UHRF1: variants seen among roughly 807,000 people sequenced by gnomAD.
UHRF1 encodes E3 ubiquitin-protein ligase UHRF1.
UHRF1 carries 9 observed loss-of-function variants against 96.5 expected under a neutral mutation model. That is an observed-to-expected ratio of 0.09 (90% confidence interval 0.06 to 0.16). The LOEUF is 0.16. Among genes scored for constraint, UHRF1 ranks in the 10% least tolerant of loss-of-function variants. The pLI is 1.00. For missense variants in UHRF1, 626 were observed against 1,131.1 expected, an observed-to-expected ratio of 0.55 and a Z score of 6.40; for synonymous variants, 455 against 469.9, an observed-to-expected ratio of 0.97 and a Z score of 0.41.
chr19:4,938,971 T>C (rs1190689038), intron 5 of UHRF1, among the ~76,000 whole-genome samples: 1 of 151,714 alleles, frequency 6.6e-6, no homozygotes, highest in Non-Finnish European at 1.5e-5. Flanking sequence ...TGGAGTGCAG[T>C]GGCACGATCT....
At chr19:4,908,808 C>T (rs2032132741), upstream of UHRF1, among the ~76,000 whole-genome samples, 1 of 152,216 alleles carries the variant, frequency 6.6e-6, no homozygotes, top group Admixed American at 6.5e-5. Context: ...CTGCCATGTA[C>T]ACCGCTGGGT....
intron 7 of UHRF1, among the ~76,000 whole-genome samples, chr19:4,943,495 G>GCCCCCCCCC (rs368362097): frequency 6.0e-5 from 8 of 133,254 alleles, no homozygotes; most frequent in Non-Finnish European, 7.8e-5. Context: ...TTGTTGCCCT[G>GCCCCCCCCC]CCCCCCCTCC....
At chr19:4,925,241 T>TTTTAG (rs1299109648) in intron 2 of UHRF1, among the ~76,000 whole-genome samples, 3 of 152,202 alleles carry the variant, frequency 2.0e-5, no homozygotes, top group African/African-American at 7.2e-5. Flanking sequence ...TTTTAGAACA[T>TTTTAG]TTTGTCACCT....
At chr19:4,955,527 C>T (rs567249115) in intron 15 of UHRF1, among the ~76,000 whole-genome samples, 75 of 152,166 alleles carry the variant, frequency 4.9e-4, no homozygotes, top group Non-Finnish European at 8.8e-4. Context: ...TGGATGGTGA[C>T]GTCTCAGGAT....
chr19:4,942,098 G>A (rs1488407664), intron 7 of UHRF1, among the ~76,000 whole-genome samples, 167 bp downstream of exon 7: 1 of 152,188 alleles, frequency 6.6e-6, no homozygotes, highest in African/African-American at 2.4e-5. Flanking sequence ...GAGTTCAAGA[G>A]CAGCCTGGGC....
At chr19:4,905,058 C>G (rs2032036649), upstream of UHRF1, among the ~76,000 whole-genome samples, 1 of 151,870 alleles carries the variant, frequency 6.6e-6, no homozygotes, top group African/African-American at 2.4e-5. Flanking sequence ...GACCCACGGG[C>G]CACATTTGGC....
intron 11 of UHRF1, among the ~76,000 whole-genome samples, chr19:4,950,396 A>G (rs1262990229): frequency 6.6e-6 from 1 of 151,506 alleles, no homozygotes; most frequent in African/African-American, 2.4e-5. Flanking sequence ...GGCACGCGCC[A>G]CCACGCCCGG....
At chr19:4,933,064 T>G in intron 5 of UHRF1, 108 bp downstream of exon 5, 1 of 1,256,424 alleles carries the variant, frequency 8.0e-7, no homozygotes, top group Non-Finnish European at 1.1e-6. Context: ...TGCGAGGCCC[T>G]TAGCCTCCGG....
intron 5 of UHRF1, among the ~76,000 whole-genome samples, chr19:4,939,750 C>T (rs1020270887): frequency 1.1e-4 from 17 of 152,106 alleles, no homozygotes; most frequent in African/African-American, 1.4e-4. Context: ...GGGTGCCAGG[C>T]GCAGTGGCTC....
intron 16 of UHRF1, among the ~76,000 whole-genome samples, chr19:4,960,353 G>T (rs1230165123): frequency 1.3e-5 from 2 of 152,320 alleles, no homozygotes; most frequent in Non-Finnish European, 2.9e-5. Context: ...CCTCTAGGGA[G>T]GTGTCAGGGA....
chr19:4,953,436 G>A (rs1239668934), intron 13 of UHRF1, among the ~76,000 whole-genome samples: 1 of 152,016 alleles, frequency 6.6e-6, no homozygotes, highest in Non-Finnish European at 1.5e-5. Context: ...TTTCCAAATT[G>A]TCAGCATCCC....
chr19:4,947,488 A>ATTTTTTTTTT (rs1568427975), intron 11 of UHRF1, among the ~76,000 whole-genome samples: 25 of 70,352 alleles, frequency 3.6e-4, no homozygotes, highest in Non-Finnish European at 5.3e-4. Context: ...GATAATAGAT[A>ATTTTTTTTTT]TCTTTTTTTT....
chr19:4,906,448 C>T (rs751306580), upstream of UHRF1, among the ~76,000 whole-genome samples: 1 of 152,142 alleles, frequency 6.6e-6, no homozygotes, highest in African/African-American at 2.4e-5. Context: ...CCCCTCACCA[C>T]GTGTACATGA....
At chr19:4,914,089 G>C (rs1462851910) in intron 2 of UHRF1, among the ~76,000 whole-genome samples, 1 of 152,054 alleles carries the variant, frequency 6.6e-6, no homozygotes, top group Non-Finnish European at 1.5e-5. Context: ...GCCTCCCAAA[G>C]TGCTGGGATT....
intron 2 of UHRF1, among the ~76,000 whole-genome samples, chr19:4,920,846 C>T (rs1317748356): frequency 3.9e-5 from 6 of 152,208 alleles, no homozygotes; most frequent in African/African-American, 1.4e-4. Flanking sequence ...GTCAGGAGGG[C>T]CACGCGCGGT....
Position 4,932,919 on chromosome 19 carries a change from A to G in UHRF1, c.748A>G (p.Arg250Gly). The G allele has an allele frequency of 6.2e-7, 1 of 1,613,578 alleles. No individual in the cohort carries two copies. Among genetic ancestry groups the G allele is most frequent in the South Asian group, 1.1e-5 (1 of 91,070 alleles). ...DAEISRKRET[R>G]TARELYANVV... ...GGAGATCTCCAGGAAGCGCGAGACC[A>G]GGACGGCGCGGGAACTCTACGCCAA... The change falls in exon 5 of 17, where the codon AGG becomes GGG. Residue 250 changes from arginine (R) to glycine (G), a missense_variant. Around this residue, in one of 11 missense-constraint regions of UHRF1, gnomAD observed 198 missense variants for 235.1 expected, o/e 0.84. Transcript: ENST00000650932.
chr19:4,941,991 G>A (rs1195210898), intron 7 of UHRF1, 60 bp downstream of exon 7: 1 of 1,421,232 alleles, frequency 7.0e-7, no homozygotes, highest in Non-Finnish European at 9.2e-7. Context: ...TCCCCAGAGG[G>A]GCACTGAGGA....
chr19:4,943,048 G>A (rs1442914910), intron 7 of UHRF1, among the ~76,000 whole-genome samples: 1 of 151,898 alleles, frequency 6.6e-6, no homozygotes, highest in Non-Finnish European at 1.5e-5. Flanking sequence ...GGCCAGCCTG[G>A]CCAAGATGGT....
chr19:4,923,944 C>T (rs1375490211), intron 2 of UHRF1, among the ~76,000 whole-genome samples: 1 of 152,150 alleles, frequency 6.6e-6, no homozygotes, highest in African/African-American at 2.4e-5. Context: ...GCTGCTTTTC[C>T]TGACCCAGTG....
Sources: gnomAD v4.1 joint callset for allele counts (sites outside exome capture counted in the v4.1 genomes callset) on GRCh38, gnomAD v4.1.1 for gene constraint, gnomAD v4.1.1 regional missense constraint, MANE v1.5 for transcripts, NCBI Gene and HGNC (gene_info 2026-07-23, HGNC 2026-07-21) for gene names.